TENM1: variants seen among roughly 807,000 people sequenced by gnomAD.
TENM1 encodes teneurin-1.
Under a neutral mutation model 174.8 loss-of-function variants are expected in TENM1, and 35 were observed. The ratio of observed to expected loss-of-function variants is 0.20; its 90% CI spans 0.15 to 0.27. The LOEUF (loss-of-function observed/expected upper bound fraction) is 0.27, where lower values mean the gene tolerates loss of function less well. Among genes scored for constraint, TENM1 ranks in the 10% least tolerant of loss-of-function variants. TENM1 has a pLI of 1.00. For synonymous variants in TENM1, 781 were observed against 798.7 expected (o/e 0.98, Z 0.37); for missense variants, 1,633 against 2,130.1 (o/e 0.77, Z 4.59).
the TENM1 span, among the ~76,000 whole-genome samples, chrX:125,171,490 C>T: frequency 9.0e-6 from 1 of 110,912 alleles, no homozygotes; most frequent in African/African-American, 3.3e-5. Context: ...GAAATCCTAA[C>T]ACTCAATGTG....
rs186740944 is a variant in TENM1, at chrX:124,387,067, T to C, written c.5689-1003A>G. 1.3e-4 allele frequency among the ~76,000 whole-genome samples: 14 copies of C among 106,288 alleles called. No individual in the cohort carries two copies. In the East Asian group the frequency reaches 4.0e-3, roughly 31 times the overall value. 92.3% of individuals were successfully genotyped at this position (106,288 alleles called of 115,157 possible). Reference sequence around the variant, plus strand: ...TCATAAAGTATTGATTGACTTCACATACTAGATGTCTTCCTAAAAATTGTG... The same window carrying C: ...TCATAAAGTATTGATTGACTTCACACACTAGATGTCTTCCTAAAAATTGTG... On this transcript the variant is annotated intron_variant, in intron 28 of 31. Transcript: ENST00000422452.
At chrX:125,067,195 G>A in the TENM1 span, among the ~76,000 whole-genome samples, 3 of 111,171 alleles carry the variant, frequency 2.7e-5, no homozygotes, top group South Asian at 3.8e-4. Flanking sequence ...CAGCAAATAT[G>A]AACAGCTCAT....
chrX:124,977,961 TGTGTGTGAGAGA>T, the TENM1 span, among the ~76,000 whole-genome samples: 66 of 54,426 alleles, frequency 1.2e-3, no homozygotes, highest in South Asian at 4.6e-3. Flanking sequence ...TGTGTGTGTG[TGTGTGTGAGAGA>T]GAGAGAGAGA....
At chrX:125,050,779 C>T in the TENM1 span, among the ~76,000 whole-genome samples, 3 of 111,721 alleles carry the variant, frequency 2.7e-5, no homozygotes, top group African/African-American at 9.8e-5. Flanking sequence ...GTCCCACCAA[C>T]AGTGTAAAAG....
chrX:124,687,724 A>G, intron 5 of TENM1, among the ~76,000 whole-genome samples: 1 of 112,252 alleles, frequency 8.9e-6, no homozygotes, highest in Non-Finnish European at 1.9e-5. Context: ...GAACTTAAAC[A>G]AATTTAAAGA....
chrX:124,748,518 A>C (rs987110998), intron 3 of TENM1, among the ~76,000 whole-genome samples: 2 of 111,462 alleles, frequency 1.8e-5, no homozygotes, highest in Admixed American at 9.6e-5. Flanking sequence ...AAAAGGAGAA[A>C]TTAACCTAAA....
At chrX:124,879,110 C>A (rs1236540204) in intron 3 of TENM1, among the ~76,000 whole-genome samples, 1 of 111,991 alleles carries the variant, frequency 8.9e-6, no homozygotes, top group Non-Finnish European at 1.9e-5. Flanking sequence ...GAGTATTTAT[C>A]ATTTCTATGT....
At chrX:124,787,504 T>C (rs1466539856) in intron 3 of TENM1, among the ~76,000 whole-genome samples, 1 of 111,333 alleles carries the variant, frequency 9.0e-6, no homozygotes, top group Non-Finnish European at 1.9e-5. Flanking sequence ...GTGATATCCA[T>C]TGCTTATGGT....
the TENM1 span, among the ~76,000 whole-genome samples, chrX:125,010,485 T>C: frequency 1.9e-4 from 21 of 107,866 alleles, no homozygotes; most frequent in Admixed American, 2.1e-3. Flanking sequence ...GCTATTCCCA[T>C]CAAACTACCA....
the TENM1 span, among the ~76,000 whole-genome samples, chrX:124,969,991 C>T: frequency 5.4e-5 from 6 of 111,672 alleles, no homozygotes; most frequent in East Asian, 1.1e-3. Flanking sequence ...ATTCCTTCTC[C>T]TCTTCCCTTT....
Position 124,520,801 on chromosome X carries a change from A to G in TENM1, c.3034-17T>C. 8.6e-6 allele frequency: 10 copies of G among 1,163,335 alleles called. No individual in the cohort carries two copies. The highest frequency in any genetic ancestry group is 1.0e-5 in the Non-Finnish European group (9 of 874,631). ...CTGTACAACCTGAAATAAAAAAAAA[A>G]AAAAAAAGCCAAATAGGCTCTTGTC... On this transcript the variant is annotated splice_polypyrimidine_tract_variant and intron_variant, in intron 17 of 31. Transcript: ENST00000422452.
At chrX:125,193,961 T>TA in the TENM1 span, among the ~76,000 whole-genome samples, 2 of 109,897 alleles carry the variant, frequency 1.8e-5, no homozygotes, top group Admixed American at 9.7e-5. Context: ...ATTTTTTTTT[T>TA]AAAAAAGAGA....
At chrX:124,527,305 C>T (rs2047997508) in intron 16 of TENM1, among the ~76,000 whole-genome samples, 2 of 111,986 alleles carry the variant, frequency 1.8e-5, no homozygotes, top group Non-Finnish European at 3.8e-5. Flanking sequence ...ACCATCCTTC[C>T]TTCTGCTTTG....
chrX:124,426,578 T>G (rs2060720303), intron 23 of TENM1, among the ~76,000 whole-genome samples: 1 of 111,764 alleles, frequency 8.9e-6, no homozygotes, highest in Non-Finnish European at 1.9e-5. Flanking sequence ...TTTGACCTCC[T>G]CTACTGCACC....
chrX:124,471,198 AAT>A (rs1174224067), intron 22 of TENM1, among the ~76,000 whole-genome samples: 1 of 60,045 alleles, frequency 1.7e-5, no homozygotes, highest in Non-Finnish European at 3.0e-5. Flanking sequence ...TATATTATAT[AAT>A]ATATAGTACT....
the TENM1 span, among the ~76,000 whole-genome samples, chrX:125,071,293 G>C: frequency 9.0e-6 from 1 of 111,608 alleles, no homozygotes; most frequent in Non-Finnish European, 1.9e-5. Flanking sequence ...GAGAAAAACA[G>C]ACATGGTGAC....
At chrX:124,754,751 T>C (rs1320410704) in intron 3 of TENM1, among the ~76,000 whole-genome samples, 1 of 106,166 alleles carries the variant, frequency 9.4e-6, no homozygotes, top group Non-Finnish European at 1.9e-5. Context: ...ATGTACCCAG[T>C]AGTCATTCAG....
intron 3 of TENM1, among the ~76,000 whole-genome samples, chrX:124,804,983 A>G (rs759276721): frequency 8.9e-6 from 1 of 112,201 alleles, no homozygotes; most frequent in East Asian, 2.8e-4. Context: ...AGTATTTTCA[A>G]TTCAGAGGAG....
intron 6 of TENM1, among the ~76,000 whole-genome samples, chrX:124,662,569 C>T (rs2051638962): frequency 9.1e-6 from 1 of 109,583 alleles, no homozygotes; most frequent in South Asian, 4.0e-4. Flanking sequence ...TCCTTCCTTT[C>T]CTTGCTGAAC....
Sources: gnomAD v4.1 joint callset for allele counts (sites outside exome capture counted in the v4.1 genomes callset) on GRCh38, gnomAD v4.1.1 for gene constraint, MANE v1.5 for transcripts, NCBI Gene and HGNC (gene_info 2026-07-23, HGNC 2026-07-21) for gene names.